The following STK36 variants were observed in gnomAD, a reference collection of about 807,000 sequenced individuals.
STK36 encodes the protein serine/threonine kinase 36.
In STK36, 116 loss-of-function variants were observed where a neutral mutation model predicts 142.2. The ratio of observed to expected loss-of-function variants is 0.82; its 90% confidence interval spans 0.70 to 0.95. The LOEUF is 0.95. STK36 is among the 40% of genes least tolerant of loss of function. STK36 has a pLI of 0.00. For missense variants in STK36, 1,422 were observed against 1,617.2 expected (o/e 0.88, Z 2.07); for synonymous variants, 619 against 641.7 (o/e 0.96, Z 0.53).
At chr2:218,697,686 G>A in intron 24 of STK36, 76 bp downstream of exon 24, 1 of 1,600,556 alleles carries the variant, frequency 6.2e-7, no homozygotes, top group South Asian at 1.1e-5. Flanking sequence ...AGAAGTTACT[G>A]ACAGATTGAG....
chr2:218,676,765 C>T (rs541314112), intron 6 of STK36, among the ~76,000 whole-genome samples: 3 of 152,074 alleles, frequency 2.0e-5, no homozygotes, highest in South Asian at 4.2e-4. Flanking sequence ...TCTCCTGCCT[C>T]AGCCTCCTGA....
rs1227335822 is a variant in STK36, at chr2:218,697,469, C to T, written c.2768C>T (p.Ala923Val). 2.5e-6 allele frequency: 4 copies of T among 1,613,904 alleles called. No individual in the cohort carries two copies. The South Asian group carries it at 4.4e-5, about 18-fold the overall frequency. ...DWTLISPQGM[A>V]ALLSLAMATF... The stretch of plus-strand genomic sequence containing the variant: ...CCATTTTTGGTGTTACCAGGCATGG[C>T]AGCCCTGCTGAGCCTGGCCATGGCC... The change falls in exon 24 of 27, where the codon GCA (alanine) becomes GTA (valine). Residue 923 changes from alanine (A) to valine (V), a missense_variant. Physicochemically the swap from Ala to Val is moderately conservative, Grantham distance 64 (BLOSUM62 0). Coordinates refer to ENST00000295709, the MANE Select transcript of STK36 (RefSeq NM_015690.5).
chr2:218,679,371 A>G, intron 7 of STK36, 110 bp downstream of exon 7: 1 of 1,305,466 alleles, frequency 7.7e-7, no homozygotes, highest in Non-Finnish European at 1.1e-6. Context: ...TTCCTCCAGC[A>G]GCTTGAACTT....
At chr2:218,677,129 C>A (rs796912028) in intron 6 of STK36, among the ~76,000 whole-genome samples, 16 of 152,132 alleles carry the variant, frequency 1.1e-4, no homozygotes, top group African/African-American at 3.9e-4. Flanking sequence ...GATGAGGTTT[C>A]TCCATGTTGG....
chr2:218,699,766 A>G (rs970343824), intron 26 of STK36, among the ~76,000 whole-genome samples: 1 of 152,118 alleles, frequency 6.6e-6, no homozygotes, highest in African/African-American at 2.4e-5. Flanking sequence ...TTATTATCCT[A>G]ATTTTGCAGA....
At chr2:218,691,226 G>A (rs1940985407) in intron 14 of STK36, among the ~76,000 whole-genome samples, 1 of 152,152 alleles carries the variant, frequency 6.6e-6, no homozygotes, top group African/African-American at 2.4e-5. Context: ...AGATAGAGAG[G>A]AACATATATT....
At chr2:218,685,562 T>A (rs947515468) in intron 11 of STK36, among the ~76,000 whole-genome samples, 7 of 152,332 alleles carry the variant, frequency 4.6e-5, no homozygotes, top group African/African-American at 1.7e-4. Flanking sequence ...AATTTTTTAT[T>A]GATGAAATTA....
chr2:218,697,366 A>T, intron 23 of STK36, 97 bp from the exon 24 acceptor site: 1 of 1,537,672 alleles, frequency 6.5e-7, no homozygotes, highest in East Asian at 2.3e-5. Flanking sequence ...TAAGATGGGG[A>T]AGGGACTGAA....
chr2:218,687,702 A>T (rs1419139461), intron 11 of STK36, among the ~76,000 whole-genome samples: 1 of 152,194 alleles, frequency 6.6e-6, no homozygotes, highest in Non-Finnish European at 1.5e-5. Flanking sequence ...TACTTGACTT[A>T]TGCAGAAGCT....
intron 6 of STK36, among the ~76,000 whole-genome samples, chr2:218,676,698 G>T (rs1236540958): frequency 6.6e-6 from 1 of 150,556 alleles, no homozygotes; most frequent in Non-Finnish European, 1.5e-5. Flanking sequence ...ACCCAGGCTG[G>T]AGTGTAGTGG....
At chr2:218,677,315 T>C (rs1229288493) in intron 6 of STK36, among the ~76,000 whole-genome samples, 1 of 152,202 alleles carries the variant, frequency 6.6e-6, no homozygotes, top group Non-Finnish European at 1.5e-5. Context: ...TCCTCCCCCA[T>C]GATCCAGTCA....
chr2:218,693,985 T>C lies in STK36; in HGVS notation c.2336+2T>C. The C allele has an allele frequency of 6.2e-7, 1 of 1,614,178 alleles. No homozygotes were observed. The highest frequency in any genetic ancestry group is 8.5e-7 in the Non-Finnish European group (1 of 1,180,008). The stretch of plus-strand genomic sequence containing the variant: ...TCGGCTCCAAAACCTGCCTTGTGGG[T>C]AAGTCATAAAGTAGGGTGTCTCCAC... On this transcript the variant is annotated splice_donor_variant, in intron 19 of 26. Transcript: ENST00000295709. LOFTEE classifies it high-confidence loss of function.
rs547132097 is a variant in STK36, at chr2:218,694,245, A to G, written c.2337-19A>G. 4 of 1,606,978 alleles carry G rather than the reference A, an allele frequency of 2.5e-6. No individual in the cohort carries two copies. Among genetic ancestry groups the G allele is most frequent in the Middle Eastern group, 1.7e-4 (1 of 6,044 alleles). On this transcript the variant is annotated intron_variant, in intron 19 of 26. Transcript: ENST00000295709. The surrounding 1 kb of genome is among the most constrained non-coding windows in gnomAD (Gnocchi z 4.4). ...TCCTTTAATACTGCTGCATCCCTTG[A>G]TGTATCTCTTTATTCCAGAATGGAG...
intron 26 of STK36, among the ~76,000 whole-genome samples, chr2:218,699,833 G>A (rs1311884581): frequency 6.6e-6 from 1 of 152,196 alleles, no homozygotes; most frequent in Non-Finnish European, 1.5e-5. Flanking sequence ...AGGACAGTAT[G>A]TAGGATTGGG....
At chr2:218,683,185 C>T in intron 10 of STK36, among the ~76,000 whole-genome samples, 1 of 152,108 alleles carries the variant, frequency 6.6e-6, no homozygotes, top group Non-Finnish European at 1.5e-5. Context: ...TCATGGCTCA[C>T]TGCAGCCTTG....
At chr2:218,683,951 A>G (rs1055622347) in intron 10 of STK36, among the ~76,000 whole-genome samples, 1 of 140,222 alleles carries the variant, frequency 7.1e-6, no homozygotes, top group Non-Finnish European at 1.5e-5. Flanking sequence ...TCCATGGTGT[A>G]TATGTGCCAC....
Position 218,694,504 on chromosome 2 carries a change from C to T in STK36, c.2401-21C>T, listed in dbSNP as rs753602403. 18 of 1,609,904 alleles carry T rather than the reference C, an allele frequency of 1.1e-5. No homozygotes were observed. Among genetic ancestry groups the T allele is most frequent in the Admixed American group, 1.7e-5 (1 of 59,950 alleles). ...CCATTTAGATTTGGACATTCTTTCT[C>T]CTCTTTTACCTCTCCCACAGAGTGC... On this transcript the variant is annotated intron_variant, in intron 20 of 26. Coordinates refer to ENST00000295709, the MANE Select transcript of STK36 (RefSeq NM_015690.5). The surrounding 1 kb of genome is among the most constrained non-coding windows in gnomAD (Gnocchi z 4.4).
chr2:218,699,928 T>G (rs534973039), intron 26 of STK36, among the ~76,000 whole-genome samples: 1 of 145,984 alleles, frequency 6.9e-6, no homozygotes, highest in Non-Finnish European at 1.5e-5. Flanking sequence ...TTCTTTTTCC[T>G]TTTTTTTTTT....
chr2:218,673,935 C>A lies in STK36; in HGVS notation c.282C>A (p.Asp94Glu). Residue 94 changes from aspartate to glutamate, a missense_variant, in exon 4 of 27, where the codon GAC (aspartate) becomes GAA (glutamate). By Grantham distance (45) the Asp-to-Glu change is conservative (BLOSUM62 2). Transcript: ENST00000295709. The part of the protein sequence containing the change: ...EGELFQILED[D>E]GKLPEDQVQA... ...AGCTCTTTCAGATCCTAGAAGATGA[C>A]GGAAAACTTCCTGAAGACCAGGTAT... The A allele has an allele frequency of 6.2e-7, 1 of 1,614,016 alleles. No homozygotes were observed. Among genetic ancestry groups the A allele is most frequent in the Non-Finnish European group, 8.5e-7 (1 of 1,179,996 alleles).
Sources: gnomAD v4.1 joint callset for allele counts (sites outside exome capture counted in the v4.1 genomes callset) on GRCh38, gnomAD v4.1.1 for gene constraint, Gnocchi (gnomAD v3.1) non-coding constraint, MANE v1.5 for transcripts, NCBI Gene and HGNC (gene_info 2026-07-23, HGNC 2026-07-21) for gene names.